The following MAPKAPK2 variants were observed in gnomAD, a reference collection of about 807,000 sequenced individuals.
MAPKAPK2 encodes MAPK activated protein kinase 2.
MAPKAPK2 carries 9 observed loss-of-function variants against 48.8 expected under a neutral mutation model. The ratio of observed to expected loss-of-function variants is 0.18; its 90% CI spans 0.11 to 0.32. The LOEUF is 0.32. Among genes scored for constraint, MAPKAPK2 ranks in the 10% least tolerant of loss-of-function variants. MAPKAPK2 has a pLI of 1.00. For missense variants in MAPKAPK2, 331 were observed against 498.3 expected (o/e 0.66, Z 3.20); for synonymous variants, 202 against 190.6 (o/e 1.06, Z -0.49).
At chr1:206,723,240 C>G (rs1673593918) in intron 1 of MAPKAPK2, among the ~76,000 whole-genome samples, 1 of 152,310 alleles carries the variant, frequency 6.6e-6, no homozygotes, top group Non-Finnish European at 1.5e-5. Flanking sequence ...TTAATAACAC[C>G]TTCATTGAAA....
At chr1:206,688,320 C>T (rs1553425843) in intron 1 of MAPKAPK2, among the ~76,000 whole-genome samples, 2 of 152,244 alleles carry the variant, frequency 1.3e-5, no homozygotes, top group African/African-American at 4.8e-5. Context: ...CCCAGGTTGC[C>T]TGACTCCCAG....
intron 1 of MAPKAPK2, among the ~76,000 whole-genome samples, chr1:206,716,621 T>G (rs1041909001): frequency 2.0e-5 from 3 of 152,116 alleles, no homozygotes; most frequent in Non-Finnish European, 4.4e-5. Context: ...TCTGCTCAGC[T>G]GGGGTGATGA....
At chr1:206,716,765 C>T (rs1553430461) in intron 1 of MAPKAPK2, among the ~76,000 whole-genome samples, 1 of 152,004 alleles carries the variant, frequency 6.6e-6, no homozygotes, top group African/African-American at 2.4e-5. Context: ...CTTTCTCTTG[C>T]TAGTTTGTCC....
chr1:206,728,447 G>A (rs2102413697), intron 1 of MAPKAPK2, among the ~76,000 whole-genome samples: 1 of 152,310 alleles, frequency 6.6e-6, no homozygotes, highest in South Asian at 2.1e-4. Flanking sequence ...CTAAGCTGGA[G>A]ACAGGTCTAA....
chr1:206,691,005 G>A (rs797022877), intron 1 of MAPKAPK2, among the ~76,000 whole-genome samples: 1 of 152,232 alleles, frequency 6.6e-6, no homozygotes, highest in South Asian at 2.1e-4. Context: ...GAGAAGAGTT[G>A]TTCTTTGCAG....
Position 206,685,319 on chromosome 1 carries a change from C to A in MAPKAPK2, c.90C>A (p.His30Gln), listed in dbSNP as rs782797008. Residue 30 changes from histidine (H) to glutamine (Q), a missense_variant, in exon 1 of 10, where the codon CAC becomes CAA. Physicochemically the swap from His to Gln is conservative, Grantham distance 24. Coordinates refer to ENST00000367103, the MANE Select transcript of MAPKAPK2 (RefSeq NM_032960.4). Reference protein sequence around the residue: ...PPQPPTPALPHPPAQPPPPPP... With the variant: ...PPQPPTPALPQPPAQPPPPPP... The stretch of plus-strand genomic sequence containing the variant: ...AGCCCCCCACCCCTGCCCTGCCGCA[C>A]CCCCCGGCGCAGCCGCCGCCGCCGC... 6.8e-6 allele frequency: 9 copies of A among 1,333,094 alleles called. No individual in the cohort carries two copies. Among genetic ancestry groups the A allele is most frequent in the Middle Eastern group, 2.8e-4 (1 of 3,572 alleles). The allele number at this position is 1,333,094 out of a possible 1,614,324, so 82.6% of individuals were successfully genotyped here.
chr1:206,727,711 C>G (rs886475645), intron 1 of MAPKAPK2, among the ~76,000 whole-genome samples: 1 of 152,110 alleles, frequency 6.6e-6, no homozygotes, highest in Non-Finnish European at 1.5e-5. Flanking sequence ...AGCTCCACCT[C>G]TCAGGGTTCA....
intron 1 of MAPKAPK2, among the ~76,000 whole-genome samples, chr1:206,703,715 G>A (rs1300657403): frequency 2.0e-5 from 3 of 152,208 alleles, no homozygotes. Context: ...GCTCCTGGGG[G>A]CAGGAGGGGA....
Position 206,685,515 on chromosome 1 carries a change from C to G in MAPKAPK2, c.279+7C>G, listed in dbSNP as rs1176458581. Reference sequence around the variant, plus strand: ...GGAGAAATTCGCCCTCAAAGTAGGTCTGGGGCCCGGGGAGGGGAGGCGGGG... The same window carrying G: ...GGAGAAATTCGCCCTCAAAGTAGGTGTGGGGCCCGGGGAGGGGAGGCGGGG... On this transcript the variant is annotated splice_region_variant and intron_variant, in intron 1 of 9. Transcript: ENST00000367103. The G allele has an allele frequency of 1.3e-5, 20 of 1,506,752 alleles. No homozygotes were observed. Among genetic ancestry groups the G allele is most frequent in the Non-Finnish European group, 1.8e-5 (20 of 1,121,674 alleles). 93.3% of individuals were successfully genotyped at this position (1,506,752 alleles called of 1,614,324 possible).
At chr1:206,723,725 C>T (rs1673615290) in intron 1 of MAPKAPK2, among the ~76,000 whole-genome samples, 1 of 152,258 alleles carries the variant, frequency 6.6e-6, no homozygotes, top group Admixed American at 6.5e-5. Context: ...ATGAGGGGAA[C>T]CATGCATACC....
At chr1:206,726,484 A>C (rs890205057) in intron 1 of MAPKAPK2, among the ~76,000 whole-genome samples, 1 of 152,238 alleles carries the variant, frequency 6.6e-6, no homozygotes, top group Non-Finnish European at 1.5e-5. Flanking sequence ...CCTCCTGGGA[A>C]CCTTGCCTCC....
At chr1:206,724,150 G>T (rs1363429034) in intron 1 of MAPKAPK2, among the ~76,000 whole-genome samples, 3 of 152,214 alleles carry the variant, frequency 2.0e-5, no homozygotes, top group Non-Finnish European at 4.4e-5. Flanking sequence ...TTCAGGGCCT[G>T]TTGGCCTTCA....
At chr1:206,706,950 C>G (rs577584267) in intron 1 of MAPKAPK2, among the ~76,000 whole-genome samples, 73 of 152,298 alleles carry the variant, frequency 4.8e-4, no homozygotes, top group African/African-American at 1.7e-3. Flanking sequence ...ATTCTCTCCC[C>G]TCACCTGTCA....
intron 1 of MAPKAPK2, among the ~76,000 whole-genome samples, chr1:206,705,240 G>T (rs535325212): frequency 6.6e-6 from 1 of 152,294 alleles, no homozygotes; most frequent in South Asian, 2.1e-4. Flanking sequence ...GGGTTGGGGG[G>T]AGGGGTGTGG....
At chr1:206,717,953 C>T (rs1553430628) in intron 1 of MAPKAPK2, among the ~76,000 whole-genome samples, 3 of 152,052 alleles carry the variant, frequency 2.0e-5, no homozygotes, top group African/African-American at 7.2e-5. Context: ...AGGTAAATTC[C>T]TCCAGAAAAA....
At chr1:206,706,095 G>C (rs1407524043) in intron 1 of MAPKAPK2, among the ~76,000 whole-genome samples, 1 of 151,152 alleles carries the variant, frequency 6.6e-6, no homozygotes, top group East Asian at 1.9e-4. Context: ...ATTAAGGCGG[G>C]GTCAGGATTT....
chr1:206,724,437 G>A (rs1459545388), intron 1 of MAPKAPK2, among the ~76,000 whole-genome samples: 4 of 152,106 alleles, frequency 2.6e-5, no homozygotes, highest in Admixed American at 1.3e-4. Flanking sequence ...CCCCCAGGAC[G>A]TCAGCCAGCC....
intron 4 of MAPKAPK2, 143 bp downstream of exon 4, chr1:206,729,618 G>T: frequency 1.3e-6 from 1 of 742,014 alleles, no homozygotes; most frequent in Non-Finnish European, 2.3e-6. Context: ...GTAGGGCCTT[G>T]CCCTCTCTGC....
At chr1:206,696,084 C>T (rs879968845) in intron 1 of MAPKAPK2, 2 of 1,174,800 alleles carry the variant, frequency 1.7e-6, no homozygotes, top group Non-Finnish European at 2.6e-6. Flanking sequence ...CACCTGCCTT[C>T]ACCTTCATCC....
Sources: allele counts gnomAD v4.1 joint callset (sites outside exome capture counted in the v4.1 genomes callset), GRCh38; gene constraint gnomAD v4.1.1; transcripts MANE v1.5; gene names NCBI Gene and HGNC (gene_info 2026-07-23, HGNC 2026-07-21).